NCAPG: variants seen among roughly 807,000 people sequenced by gnomAD.
NCAPG encodes condensin complex subunit 3.
NCAPG carries 69 observed loss-of-function variants against 113.1 expected under a neutral mutation model. The ratio of observed to expected loss-of-function variants is 0.61; its 90% CI spans 0.50 to 0.75. NCAPG has a LOEUF of 0.75. Among genes scored for constraint, NCAPG ranks in the 30% least tolerant of loss-of-function variants. The pLI, the probability that NCAPG is intolerant of heterozygous loss-of-function variation, is 0.00. For missense variants in NCAPG, 1,058 were observed against 1,177.0 expected, an observed-to-expected ratio of 0.90 and a Z score of 1.48; for synonymous variants, 370 against 415.8, an observed-to-expected ratio of 0.89 and a Z score of 1.34.
chr4:17,810,990 C>T lies in NCAPG; in HGVS notation c.-88C>T. Reference sequence around the variant, plus strand: ...TACTCCCTGGGGCTGTCATAGAAGACTACTCGGAGAGCGCTGCCTCTGGGT... The same window carrying T: ...TACTCCCTGGGGCTGTCATAGAAGATTACTCGGAGAGCGCTGCCTCTGGGT... On this transcript the variant is annotated 5_prime_UTR_variant, in exon 1 of 21. Transcript: ENST00000251496. 1.4e-6 allele frequency: 1 copy of T among 695,880 alleles called. No homozygotes were observed. The highest frequency in any genetic ancestry group is 2.3e-6 in the Non-Finnish European group (1 of 436,270). The allele number at this position is 695,880 out of a possible 1,614,324, so 43.1% of individuals were successfully genotyped here.
intron 15 of NCAPG, 39 bp downstream of exon 15, chr4:17,837,379 C>T (rs1288310994): frequency 6.5e-7 from 1 of 1,539,366 alleles, no homozygotes; most frequent in Non-Finnish European, 8.8e-7. Context: ...TCTGACTTGA[C>T]ATCAAATTCA....
intron 9 of NCAPG, 125 bp downstream of exon 9, chr4:17,823,895 TA>T (rs1721556120): frequency 4.3e-6 from 3 of 702,006 alleles, no homozygotes; most frequent in Non-Finnish European, 6.9e-6. Flanking sequence ...TAATGAGTTT[TA>T]AAATTTCTTA....
chr4:17,832,303 G>T (rs985710936), intron 13 of NCAPG, among the ~76,000 whole-genome samples: 2 of 152,194 alleles, frequency 1.3e-5, no homozygotes, highest in African/African-American at 4.8e-5. Context: ...GATGGCGATG[G>T]TTTGGACGAG....
chr4:17,819,825 A>G (rs1275713089), intron 7 of NCAPG, among the ~76,000 whole-genome samples: 7 of 152,346 alleles, frequency 4.6e-5, no homozygotes, highest in South Asian at 2.1e-4. Context: ...AAAGCTGTGC[A>G]TGCCTCTAAA....
chr4:17,843,311 A>G lies in NCAPG; in HGVS notation c.2934A>G (p.Glu978=). 1 of 1,611,428 alleles carries G rather than the reference A, an allele frequency of 6.2e-7. No homozygotes were observed. Among genetic ancestry groups the G allele is most frequent in the South Asian group, 1.1e-5 (1 of 90,950 alleles). The change falls in exon 21 of 21, where the codon GAA becomes GAG. Residue 978 remains glutamate, a synonymous_variant. Transcript: ENST00000251496. ...TAEADSESDH[E]VPEPESEMKM... is the part of the protein sequence containing the mutation. Reference sequence around the variant, plus strand: ...TTCAACATCTATTTAGTGATCATGAAGTTCCAGAACCAGAATCAGAAATGA... The same window carrying G: ...TTCAACATCTATTTAGTGATCATGAGGTTCCAGAACCAGAATCAGAAATGA...
rs141319271 is a variant in NCAPG, at chr4:17,815,327, G to T, written c.744G>T (p.Met248Ile). The T allele has an allele frequency of 7.6e-6, 12 of 1,586,308 alleles. No homozygotes were observed. In the African/African-American group the frequency reaches 1.5e-4, roughly 20 times the overall value. ...CTATGTCCATTGCTCAGAGAGTAAT[G>T]CTCCTTCAACAAGGTCTTAATGACA... ...MRAMSIAQRV[M>I]LLQQGLNDRS... Residue 248 changes from methionine (M) to isoleucine (I), a missense_variant, in exon 5 of 21, where the codon ATG becomes ATT. Transcript: ENST00000251496.
At chr4:17,827,915 C>T (rs142756876) in intron 11 of NCAPG, among the ~76,000 whole-genome samples, 53 of 151,576 alleles carry the variant, frequency 3.5e-4, no homozygotes, top group Admixed American at 7.9e-4. Flanking sequence ...AAGCCATTCT[C>T]GTGCCTCGGC....
At chr4:17,837,382 C>A in intron 15 of NCAPG, 42 bp downstream of exon 15, 1 of 1,514,788 alleles carries the variant, frequency 6.6e-7, no homozygotes, top group Non-Finnish European at 9.0e-7. Context: ...GACTTGACAT[C>A]AAATTCAAGT....
rs1329080343 is a variant in NCAPG at position 17,843,654 on chromosome 4, T to G, written c.*229T>G. ...CACACAGATTTATCACAATCTGAGG[T>G]GGGCCTAGGAATCTCATTTTTAAAT... On this transcript the variant is annotated 3_prime_UTR_variant, in exon 21 of 21. Coordinates refer to ENST00000251496, the MANE Select transcript of NCAPG (RefSeq NM_022346.5). The G allele has an allele frequency of 2.9e-6, 1 of 346,708 alleles. No individual in the cohort carries two copies. The highest frequency in any genetic ancestry group is 5.4e-6 in the Non-Finnish European group (1 of 183,726). The allele number at this position is 346,708 out of a possible 1,614,324, so 21.5% of individuals were successfully genotyped here.
chr4:17,816,315 A>G (rs1287412623), intron 5 of NCAPG, among the ~76,000 whole-genome samples: 1 of 152,124 alleles, frequency 6.6e-6, no homozygotes, highest in Non-Finnish European at 1.5e-5. Flanking sequence ...CAGTAGGAAG[A>G]GCTCAGGTGG....
intron 16 of NCAPG, 24 bp from the exon 17 acceptor site, chr4:17,839,652 G>A (rs750508943): frequency 6.9e-7 from 1 of 1,441,488 alleles, no homozygotes. Flanking sequence ...TCAATTTACA[G>A]AGAATTTTCT....
intron 7 of NCAPG, among the ~76,000 whole-genome samples, chr4:17,821,449 ACCC>A (rs1255389343): frequency 1.6e-4 from 16 of 102,874 alleles, no homozygotes; most frequent in African/African-American, 6.0e-4. Context: ...GGTTTTTGTC[ACCC>A]CCGCCTTTTT....
Position 17,825,413 on chromosome 4 carries a change from C to A in NCAPG, c.1505C>A (p.Ala502Asp), listed in dbSNP as rs1256438367. The A allele has an allele frequency of 5.7e-6, 9 of 1,592,856 alleles. No individual in the cohort carries two copies. The South Asian group carries it at 9.1e-5, about 16-fold the overall frequency. Reference protein sequence around the residue: ...MAEIKVKLIEAKEALENCITL... With the variant: ...MAEIKVKLIEDKEALENCITL... ...GAAATAAAAGTTAAGCTTATCGAAG[C>A]CAAAGAAGCTTTGGAAAATTGCATT... Residue 502 changes from alanine to aspartate, a missense_variant, in exon 11 of 21, where the codon GCC becomes GAC. By Grantham distance (126) the Ala-to-Asp change is moderately radical. Coordinates refer to ENST00000251496, the MANE Select transcript of NCAPG (RefSeq NM_022346.5).
chr4:17,816,723 A>C (rs1721226695), intron 5 of NCAPG, among the ~76,000 whole-genome samples: 1 of 152,244 alleles, frequency 6.6e-6, no homozygotes, highest in Admixed American at 6.5e-5. Flanking sequence ...GGGAGAAGGA[A>C]TGTAAAGATA....
chr4:17,837,570 CTT>C (rs1195992190), intron 15 of NCAPG, 55 bp from the exon 16 acceptor site: 2 of 1,539,134 alleles, frequency 1.3e-6, no homozygotes, highest in South Asian at 1.2e-5. Flanking sequence ...GAATTTCATA[CTT>C]TTTCTCTCAT....
chr4:17,834,546 G>T (rs1722007510), intron 14 of NCAPG, 23 bp downstream of exon 14: 2 of 1,407,374 alleles, frequency 1.4e-6, no homozygotes, highest in South Asian at 1.5e-5. Flanking sequence ...CCAGTCCTGT[G>T]ATTATGAAAT....
intron 14 of NCAPG, among the ~76,000 whole-genome samples, chr4:17,836,358 CA>C (rs2109063052): frequency 6.6e-6 from 1 of 152,216 alleles, no homozygotes; most frequent in East Asian, 1.9e-4. Context: ...AGATCCTTAT[CA>C]GGTATAATTT....
Position 17,811,042 on chromosome 4 carries a change from C to T in NCAPG, c.-36C>T. 7.4e-7 allele frequency: 1 copy of T among 1,343,972 alleles called. No individual in the cohort carries two copies. The highest frequency in any genetic ancestry group is 1.0e-6 in the Non-Finnish European group (1 of 1,004,800). 83.3% of individuals were successfully genotyped at this position (1,343,972 alleles called of 1,614,324 possible). On this transcript the variant is annotated 5_prime_UTR_variant, in exon 1 of 21. Coordinates refer to ENST00000251496, the MANE Select transcript of NCAPG (RefSeq NM_022346.5). The surrounding 1 kb of genome is among the most constrained non-coding windows in gnomAD (Gnocchi z 5.3). ...GGCGGGCTGGCAGGCTGTAGCCGAG[C>T]GCGGGCAGGACTCGTCCCGGCAGGG...
rs75731776 is a variant in NCAPG, at chr4:17,813,314, G to T, written c.544+169G>T. 7 of 488,508 alleles carry T rather than the reference G, an allele frequency of 1.4e-5. No homozygotes were observed. The East Asian group carries it at 2.1e-4, about 14-fold the overall frequency. The allele number at this position is 488,508 out of a possible 1,614,324, so 30.3% of individuals were successfully genotyped here. On this transcript the variant is annotated intron_variant, in intron 3 of 20. Coordinates refer to ENST00000251496, the MANE Select transcript of NCAPG (RefSeq NM_022346.5). Reference sequence around the variant, plus strand: ...GCAACCACCCAGCTTAAAAAAAAAAGTCAGTACTTGCATCCTATCCCAGTT... The same window carrying T: ...GCAACCACCCAGCTTAAAAAAAAAATTCAGTACTTGCATCCTATCCCAGTT...
Sources: gnomAD v4.1 joint callset for allele counts (sites outside exome capture counted in the v4.1 genomes callset) on GRCh38, gnomAD v4.1.1 for gene constraint, Gnocchi (gnomAD v3.1) non-coding constraint, MANE v1.5 for transcripts, NCBI Gene and HGNC (gene_info 2026-07-23, HGNC 2026-07-21) for gene names.